CAPN10: variants seen among roughly 807,000 people sequenced by gnomAD.
The protein encoded by CAPN10 is calpain-10.
In CAPN10, 71 loss-of-function variants were observed where a neutral mutation model predicts 78.4. The ratio of observed to expected loss-of-function variants is 0.91; its 90% CI spans 0.75 to 1.10. CAPN10 has a LOEUF of 1.10. Ranked by LOEUF, CAPN10 falls within the 50% of genes least tolerant of loss-of-function variation. The probability of loss-of-function intolerance (pLI) is 0.00; values close to 1 mark genes in which losing one functional copy is unlikely to be tolerated. For synonymous variants in CAPN10, 437 were observed against 407.2 expected (o/e 1.07, Z -0.88); for missense variants, 849 against 924.6 (o/e 0.92, Z 1.06).
At chr2:240,597,814 C>T in intron 9 of CAPN10, 74 bp from the exon 10 acceptor site, 1 of 1,334,408 alleles carries the variant, frequency 7.5e-7, no homozygotes, top group East Asian at 2.5e-5. Flanking sequence ...CCAAGGGCAT[C>T]CGAGCAGATG....
intron 4 of CAPN10, chr2:240,592,781 A>G (rs1483874596): frequency 1.3e-5 from 3 of 230,832 alleles, no homozygotes; most frequent in African/African-American, 4.6e-5. Context: ...ACGCGCTGTC[A>G]AATGTTCGCC....
In CAPN10 at chr2:240,598,848, A is replaced by C; in HGVS notation, c.*168A>C. On this transcript the variant is annotated 3_prime_UTR_variant, in exon 12 of 12. Coordinates refer to ENST00000391984, the MANE Select transcript of CAPN10 (RefSeq NM_023083.4). ...TAGGGGTCCACGGGAAGCCTCCGTC[A>C]GGAGAGACGCAGCCCTGGGGGCCAG... 1 of 655,622 alleles carries C rather than the reference A, an allele frequency of 1.5e-6. No homozygotes were observed. Among genetic ancestry groups the C allele is most frequent in the South Asian group, 1.9e-5 (1 of 53,942 alleles). 40.6% of individuals were successfully genotyped at this position (655,622 alleles called of 1,614,324 possible).
At position 240,593,920 on chromosome 2, in the gene CAPN10, G is replaced by A. The variant is rs1477608764; in HGVS notation, c.703G>A (p.Gly235Arg). 6.2e-7 allele frequency: 1 copy of A among 1,603,188 alleles called. No individual in the cohort carries two copies. ...TCCTCATGCAGGTGCCCGGGAGCTGGGGGAGTTCCATGCCTTCATTGTCTC... is the reference window on the plus strand; with the variant it reads ...TCCTCATGCAGGTGCCCGGGAGCTGAGGGAGTTCCATGCCTTCATTGTCTC... ...LSPRAGARELGEFHAFIVSDL... is the reference protein window; with the variant it reads ...LSPRAGARELREFHAFIVSDL... Residue 235 changes from glycine (G) to arginine (R), a missense_variant, in exon 5 of 12, where the codon GGG (glycine) becomes AGG (arginine). Physicochemically the swap from Gly to Arg is moderately radical, Grantham distance 125. Coordinates refer to ENST00000391984, the MANE Select transcript of CAPN10 (RefSeq NM_023083.4).
At position 240,592,020 on chromosome 2, in the gene CAPN10, C is replaced by G. The variant is rs1001147367; in HGVS notation, c.558C>G (p.Asn186Lys). 6.8e-6 allele frequency: 11 copies of G among 1,613,140 alleles called. No homozygotes were observed. Among genetic ancestry groups the G allele is most frequent in the Middle Eastern group, 1.6e-4 (1 of 6,084 alleles). The change falls in exon 4 of 12, where the codon AAC (asparagine) becomes AAG (lysine). Residue 186 changes from asparagine to lysine, a missense_variant. Coordinates refer to ENST00000391984, the MANE Select transcript of CAPN10 (RefSeq NM_023083.4). ...CCGGCGGCCTGGCAGAAAGATGGAA[C>G]CTGAAGGGCGTAGCAGGAAGCGGAG... ...DLTGGLAERW[N>K]LKGVAGSGGQ...
In CAPN10 at chr2:240,594,041, G is replaced by C; in HGVS notation, c.824G>C (p.Arg275Thr). The C allele has an allele frequency of 6.3e-7, 1 of 1,599,742 alleles. No homozygotes were observed. Among genetic ancestry groups the C allele is most frequent in the Non-Finnish European group, 8.5e-7 (1 of 1,171,592 alleles). ...CGGCGGTGCTGGCAGGGGCTCTGGA[G>C]AGAGGGGTGAGTGCTGGGGCCTGGA... ...WGRRCWQGLW[R>T]EGGEGWSQVD... Residue 275 changes from arginine to threonine, a missense_variant, in exon 5 of 12, where the codon AGA becomes ACA. Physicochemically the swap from Arg to Thr is moderately conservative, Grantham distance 71. Coordinates refer to ENST00000391984, the MANE Select transcript of CAPN10 (RefSeq NM_023083.4).
Position 240,590,817 on chromosome 2 carries a change from C to A in CAPN10, c.276C>A (p.Val92=). ...LQKSRHLLDQ[V]IPPGQPSWAD... Reference sequence around the variant, plus strand: ...TTGCTTCTCCCTGTGCATGGCAGGTCATTCCTCCGGGACAGCCGAGCTGGG... The same window carrying A: ...TTGCTTCTCCCTGTGCATGGCAGGTAATTCCTCCGGGACAGCCGAGCTGGG... Residue 92 remains valine, a splice_region_variant and synonymous_variant, in exon 3 of 12, where the codon GTC becomes GTA. Transcript: ENST00000391984. 6.2e-7 allele frequency: 1 copy of A among 1,613,940 alleles called. No homozygotes were observed. The highest frequency in any genetic ancestry group is 1.1e-5 in the South Asian group (1 of 91,052).
intron 4 of CAPN10, chr2:240,592,660 A>G (rs1235894845): frequency 2.9e-6 from 1 of 343,298 alleles, no homozygotes; most frequent in South Asian, 2.2e-5. Flanking sequence ...AAAATGAAGG[A>G]AAAAAATCAC....
intron 5 of CAPN10, 31 bp from the exon 6 acceptor site, chr2:240,594,512 G>C: frequency 6.3e-7 from 1 of 1,596,614 alleles, no homozygotes; most frequent in Non-Finnish European, 8.6e-7. Context: ...GTTCTCGGGA[G>C]GGGCTTCTGC....
rs752717259 is a variant in CAPN10 at position 240,596,294 on chromosome 2, C to G, written c.1279-25C>G. ...GTCTGACCCCGGCCGCTCCTCCACA[C>G]TGAGCCTCCTGCACGTGCTCACAGG... On this transcript the variant is annotated intron_variant, in intron 7 of 11. Coordinates refer to ENST00000391984, the MANE Select transcript of CAPN10 (RefSeq NM_023083.4). 2 of 1,586,246 alleles carry G rather than the reference C, an allele frequency of 1.3e-6. 1 individual carries two copies. The highest frequency in any genetic ancestry group is 2.3e-5 in the South Asian group (2 of 88,762).
At chr2:240,594,963 C>T (rs946911562) in intron 6 of CAPN10, 61 bp from the exon 7 acceptor site, 13 of 1,569,668 alleles carry the variant, frequency 8.3e-6, no homozygotes, top group Admixed American at 3.4e-5. Context: ...ATGAGGCCAC[C>T]ATGGCGGGAG....
rs971437230 is a variant in CAPN10 at position 240,586,937 on chromosome 2, C to A, written c.26C>A (p.Pro9Gln). 2 of 1,453,778 alleles carry A rather than the reference C, an allele frequency of 1.4e-6. No individual in the cohort carries two copies. Among genetic ancestry groups the A allele is most frequent in the East Asian group, 6.1e-5 (2 of 32,948 alleles). 90.1% of individuals were successfully genotyped at this position (1,453,778 alleles called of 1,614,324 possible). A position where few individuals can be genotyped will look rare whatever the true frequency, so the allele number is the denominator to read the frequency against. The stretch of plus-strand genomic sequence containing the variant: ...ATGCGGGCGGGCCGGGGCGCGACGC[C>A]GGCGAGGGAGCTGTTCCGGGACGCC... MRAGRGATPARELFRDAAF... is the reference protein window; with the variant it reads MRAGRGATQARELFRDAAF... Residue 9 changes from proline (P) to glutamine (Q), a missense_variant, in exon 1 of 12, where the codon CCG (proline) becomes CAG (glutamine). Physicochemically the swap from Pro to Gln is moderately conservative, Grantham distance 76. Transcript: ENST00000391984.
At chr2:240,597,460 CAT>C (rs1420748489) in intron 9 of CAPN10, among the ~76,000 whole-genome samples, 3 of 152,186 alleles carry the variant, frequency 2.0e-5, no homozygotes, top group Non-Finnish European at 4.4e-5. Flanking sequence ...TCTCTGCAGA[CAT>C]GTGTCCCCTG....
At chr2:240,597,765 C>A in intron 9 of CAPN10, 123 bp from the exon 10 acceptor site, 1 of 861,068 alleles carries the variant, frequency 1.2e-6, no homozygotes, top group South Asian at 1.8e-5. Context: ...GGCCTGGCAG[C>A]CCCTCCTCAG....
At position 240,595,200 on chromosome 2, in the gene CAPN10, T is replaced by G. The variant is rs2093129117; in HGVS notation, c.1174T>G (p.Trp392Gly). The G allele has an allele frequency of 3.7e-6, 6 of 1,613,608 alleles. No individual in the cohort carries two copies. Among genetic ancestry groups the G allele is most frequent in the Non-Finnish European group, 5.1e-6 (6 of 1,180,012 alleles). The change falls in exon 7 of 12, where the codon TGG becomes GGG. Residue 392 changes from tryptophan to glycine, a missense_variant. Transcript: ENST00000391984. ...GAGATCCAGGCTGCACGCGGCGGAC[T>G]GGGCAGGCCGGGCCCGGGCACTGGT... ...LQRSRLHAADWAGRARALVGD... is the reference protein window; with the variant it reads ...LQRSRLHAADGAGRARALVGD...
chr2:240,591,197 G>A lies in CAPN10; in HGVS notation c.470+186G>A, dbSNP rs994421993. On this transcript the variant is annotated intron_variant, in intron 3 of 11. Transcript: ENST00000391984. ...GCAGAGATTCTTCTTTTGGGCCTGTGGATTGCCCACTCCCTGCTTTCCCTT... is the reference window on the plus strand; with the variant it reads ...GCAGAGATTCTTCTTTTGGGCCTGTAGATTGCCCACTCCCTGCTTTCCCTT... 4 of 594,628 alleles carry A rather than the reference G, an allele frequency of 6.7e-6. No individual in the cohort carries two copies. In the African/African-American group the frequency reaches 7.4e-5, roughly 11 times the overall value. 36.8% of individuals were successfully genotyped at this position (594,628 alleles called of 1,614,324 possible). A position where few individuals can be genotyped will look rare whatever the true frequency, so the allele number is the denominator to read the frequency against.
intron 7 of CAPN10, chr2:240,595,994 T>G (rs1473694021): frequency 1.4e-6 from 2 of 1,418,468 alleles, no homozygotes; most frequent in Admixed American, 4.3e-5. Flanking sequence ...CACATGATGT[T>G]CCTTTCCTCT....
chr2:240,598,965 C>T lies in CAPN10; in HGVS notation c.*285C>T. The T allele has an allele frequency of 1.9e-6, 1 of 535,214 alleles. No homozygotes were observed. Among genetic ancestry groups the T allele is most frequent in the Non-Finnish European group, 3.4e-6 (1 of 297,662 alleles). 33.2% of individuals were successfully genotyped at this position (535,214 alleles called of 1,614,324 possible). A position where few individuals can be genotyped will look rare whatever the true frequency, so the allele number is the denominator to read the frequency against. On this transcript the variant is annotated 3_prime_UTR_variant, in exon 12 of 12. Coordinates refer to ENST00000391984, the MANE Select transcript of CAPN10 (RefSeq NM_023083.4). ...CAGGATCCCAGAGCTTCCCAGGATC[C>T]CTCCCAGATCCTCTGCTGACTCCAT...
intron 3 of CAPN10, 101 bp downstream of exon 3, chr2:240,591,112 GC>G: frequency 9.3e-7 from 1 of 1,072,114 alleles, no homozygotes; most frequent in South Asian, 1.5e-5. Flanking sequence ...GGGCTGCAGA[GC>G]CCCCTTCAGT....
At chr2:240,592,551 G>A in intron 4 of CAPN10, 1 of 473,064 alleles carries the variant, frequency 2.1e-6, no homozygotes, top group South Asian at 1.6e-5. Context: ...GCTCACACCT[G>A]TAATCCCAGA....
Sources: gnomAD v4.1 joint callset for allele counts (sites outside exome capture counted in the v4.1 genomes callset) on GRCh38, gnomAD v4.1.1 for gene constraint, MANE v1.5 for transcripts, NCBI Gene and HGNC (gene_info 2026-07-23, HGNC 2026-07-21) for gene names.